KLHL2: variants seen among roughly 807,000 people sequenced by gnomAD.
KLHL2 encodes kelch like family member 2.
A neutral mutation model predicts 75.8 loss-of-function variants in KLHL2; 15 were observed. The ratio of observed to expected loss-of-function variants is 0.20; its 90% CI spans 0.13 to 0.30. The LOEUF (loss-of-function observed/expected upper bound fraction) is 0.30, where lower values mean the gene tolerates loss of function less well. KLHL2 is among the 10% of genes least tolerant of loss of function. The pLI, the probability that KLHL2 is intolerant of heterozygous loss-of-function variation, is 1.00. For missense variants in KLHL2, 381 were observed against 741.0 expected, an observed-to-expected ratio of 0.51 and a Z score of 5.64; for synonymous variants, 214 against 251.9, an observed-to-expected ratio of 0.85 and a Z score of 1.42.
intron 4 of KLHL2, among the ~76,000 whole-genome samples, chr4:165,248,179 A>G (rs1456794852): frequency 2.6e-5 from 4 of 152,216 alleles, no homozygotes; most frequent in Non-Finnish European, 4.4e-5. Flanking sequence ...GGTAGTTGAG[A>G]AAGAGTGGAG....
At chr4:165,312,631 C>T (rs1472693557) in intron 11 of KLHL2, among the ~76,000 whole-genome samples, 1 of 152,172 alleles carries the variant, frequency 6.6e-6, no homozygotes, top group Non-Finnish European at 1.5e-5. Flanking sequence ...AGCAATCCTG[C>T]TTCCCTTGGC....
intron 6 of KLHL2, among the ~76,000 whole-genome samples, chr4:165,296,921 GTTAT>G (rs1200518361): frequency 1.3e-5 from 2 of 150,780 alleles, no homozygotes; most frequent in South Asian, 2.1e-4. Context: ...GTTCATTCTT[GTTAT>G]TTATTTGCAG....
intron 3 of KLHL2, among the ~76,000 whole-genome samples, chr4:165,231,124 T>C (rs1738848964): frequency 6.6e-6 from 1 of 152,206 alleles, no homozygotes; most frequent in Admixed American, 6.5e-5. Context: ...TTTTTTTTAC[T>C]AGTTTATTGA....
intron 5 of KLHL2, among the ~76,000 whole-genome samples, chr4:165,263,868 C>G (rs1489311072): frequency 9.4e-6 from 1 of 106,208 alleles, no homozygotes; most frequent in African/African-American, 3.4e-5. Flanking sequence ...AAAAAATCTT[C>G]AAAGCAGTGA....
chr4:165,244,038 A>G (rs571623269), intron 4 of KLHL2, among the ~76,000 whole-genome samples: 71 of 149,808 alleles, frequency 4.7e-4, no homozygotes, highest in Middle Eastern at 6.8e-3. Flanking sequence ...ATAATCATGC[A>G]CCAACTATAA....
chr4:165,283,667 A>G (rs1579117265), intron 5 of KLHL2, among the ~76,000 whole-genome samples: 1 of 152,200 alleles, frequency 6.6e-6, no homozygotes, highest in East Asian at 1.9e-4. Flanking sequence ...TATCAGTGAT[A>G]CCATTCTGGG....
At chr4:165,291,380 ATGT>A (rs1744494312) in intron 5 of KLHL2, among the ~76,000 whole-genome samples, 1 of 151,818 alleles carries the variant, frequency 6.6e-6, no homozygotes, top group South Asian at 2.1e-4. Flanking sequence ...AATACTTTTG[ATGT>A]TGTATCTAAA....
chr4:165,279,279 C>T (rs754215135), intron 5 of KLHL2: 37 of 1,537,228 alleles, frequency 2.4e-5, no homozygotes, highest in South Asian at 4.5e-5. Context: ...AGACTCTCAA[C>T]GGTAGACTGT....
intron 5 of KLHL2, among the ~76,000 whole-genome samples, chr4:165,264,704 GTATATATATATATATACATA>G (rs1160626654): frequency 1.2e-4 from 10 of 82,870 alleles, no homozygotes; most frequent in African/African-American, 4.2e-4. Context: ...GTGTGTGTGT[GTATATATATATATATACATA>G]TATATATATA....
At chr4:165,289,263 C>T (rs1744322734) in intron 5 of KLHL2, among the ~76,000 whole-genome samples, 1 of 152,058 alleles carries the variant, frequency 6.6e-6, no homozygotes, top group Admixed American at 6.5e-5. Flanking sequence ...CCAAATAGTG[C>T]CCTCTATATT....
rs145987577 is a variant in KLHL2, at chr4:165,252,225, G to A, written c.382-10972G>A. ...ACTAGAAATATATCCAGTTCAAAGT[G>A]GATTTTTTTTTTCTTGTTTGTGATG... On this transcript the variant is annotated intron_variant, in intron 4 of 14. Coordinates refer to ENST00000226725, the MANE Select transcript of KLHL2 (RefSeq NM_007246.4). Among the ~76,000 whole-genome samples the A allele has an allele frequency of 1.1e-3, 152 of 136,072 alleles. 2 individuals are homozygous for A. The East Asian group carries it at 0.028, about 25-fold the overall frequency. 89.3% of individuals were successfully genotyped at this position (136,072 alleles called of 152,430 possible). A position where few individuals can be genotyped will look rare whatever the true frequency, so the allele number is the denominator to read the frequency against.
chr4:165,226,207 C>G (rs562940904), intron 2 of KLHL2, among the ~76,000 whole-genome samples: 80 of 152,312 alleles, frequency 5.3e-4, no homozygotes, highest in African/African-American at 1.8e-3. Flanking sequence ...TTGCTTTATT[C>G]TAGAGAGACC....
chr4:165,313,937 GT>G, intron 12 of KLHL2, 88 bp from the exon 13 acceptor site: 5 of 1,336,068 alleles, frequency 3.7e-6, no homozygotes, highest in Non-Finnish European at 5.1e-6. Context: ...AACTTCGAAA[GT>G]TTTAGTTACA....
intron 1 of KLHL2, among the ~76,000 whole-genome samples, chr4:165,211,178 G>GA (rs1380426085): frequency 1.3e-5 from 2 of 151,946 alleles, no homozygotes; most frequent in Admixed American, 6.5e-5. Flanking sequence ...ATTAAAAAAA[G>GA]AAAAAAACAA....
chr4:165,264,605 TAC>T (rs1553957952), intron 5 of KLHL2, among the ~76,000 whole-genome samples: 90 of 124,120 alleles, frequency 7.3e-4, no homozygotes, highest in South Asian at 6.4e-3. Flanking sequence ...TATATATATA[TAC>T]ACACACACAC....
chr4:165,241,826 CTATTTGAAGTGAAGGTTGTTAACTTGGAG>C (rs1739842253), intron 4 of KLHL2, among the ~76,000 whole-genome samples: 1 of 151,926 alleles, frequency 6.6e-6, no homozygotes, highest in South Asian at 2.1e-4. Flanking sequence ...AATATAATAC[CTATTTGAAGTGAAGGTTGTTAACTTGGAG>C]TCAGAATGAG....
At chr4:165,263,664 T>C (rs1379343993) in intron 5 of KLHL2, among the ~76,000 whole-genome samples, 1 of 151,256 alleles carries the variant, frequency 6.6e-6, no homozygotes, top group Non-Finnish European at 1.5e-5. Context: ...GGTGTGGTGG[T>C]GCAATCTTGG....
At chr4:165,318,927 A>G (rs557841794) in intron 14 of KLHL2, among the ~76,000 whole-genome samples, 2 of 152,362 alleles carry the variant, frequency 1.3e-5, no homozygotes, top group East Asian at 3.9e-4. Flanking sequence ...ATCATTTACT[A>G]CAAAATATCT....
At position 165,313,826 on chromosome 4, in the gene KLHL2, G is replaced by A. The variant is rs1746396162; in HGVS notation, c.1469-200G>A. ...TCTGTTTGACATGCCTCTTTTTTCAGAATAATAGTTTGTTGAGATGCTTAT... is the reference window on the plus strand; with the variant it reads ...TCTGTTTGACATGCCTCTTTTTTCAAAATAATAGTTTGTTGAGATGCTTAT... On this transcript the variant is annotated intron_variant, in intron 12 of 14. Transcript: ENST00000226725. 3.3e-5 allele frequency among the ~76,000 whole-genome samples: 5 copies of A among 152,096 alleles called. No individual in the cohort carries two copies. The South Asian group carries it at 1.0e-3, about 32-fold the overall frequency.
Sources: gnomAD v4.1 joint callset for allele counts (sites outside exome capture counted in the v4.1 genomes callset) on GRCh38, gnomAD v4.1.1 for gene constraint, MANE v1.5 for transcripts, NCBI Gene and HGNC (gene_info 2026-07-23, HGNC 2026-07-21) for gene names.